Variants in MAGI3 observed in about 807,000 individuals in gnomAD.
MAGI3 encodes the protein membrane-associated guanylate kinase, WW and PDZ domain-containing protein 3.
Under a neutral mutation model 121.8 loss-of-function variants are expected in MAGI3, and 43 were observed. The observed-to-expected ratio is 0.35, with a 90% CI of 0.28 to 0.46. MAGI3 has a LOEUF of 0.46. MAGI3 is among the 20% of genes least tolerant of loss of function. The pLI is 1.00. For synonymous variants in MAGI3, 553 were observed against 639.3 expected, an observed-to-expected ratio of 0.86 and a Z score of 2.04; for missense variants, 1,547 against 1,797.3, an observed-to-expected ratio of 0.86 and a Z score of 2.52.
At chr1:113,529,302 T>C (rs533405485) in intron 1 of MAGI3, among the ~76,000 whole-genome samples, 2 of 152,354 alleles carry the variant, frequency 1.3e-5, no homozygotes, top group South Asian at 4.1e-4. Context: ...CAAACATTTA[T>C]TTCTCACAGT....
intron 4 of MAGI3, among the ~76,000 whole-genome samples, chr1:113,587,380 G>C (rs574433344): frequency 1.9e-3 from 291 of 152,256 alleles, no homozygotes; most frequent in Admixed American, 3.8e-3. Context: ...ATTTTTAGTA[G>C]AGACAGGGTT....
chr1:113,425,631 C>T (rs372320204), intron 1 of MAGI3, among the ~76,000 whole-genome samples: 4 of 152,006 alleles, frequency 2.6e-5, no homozygotes, highest in East Asian at 3.9e-4. Context: ...AGATTTTCTT[C>T]ATCTTGGTTG....
chr1:113,573,723 C>T (rs1203286482), intron 2 of MAGI3, among the ~76,000 whole-genome samples: 1 of 152,160 alleles, frequency 6.6e-6, no homozygotes, highest in Non-Finnish European at 1.5e-5. Context: ...TGGTCCAGAG[C>T]TGAGTTCAAA....
intron 1 of MAGI3, among the ~76,000 whole-genome samples, chr1:113,394,793 C>T (rs915023732): frequency 1.3e-5 from 2 of 152,142 alleles, no homozygotes; most frequent in Admixed American, 6.5e-5. Flanking sequence ...TTCAACTACC[C>T]TAAGCAAGTA....
rs76333411 is a variant in MAGI3 at position 113,536,046 on chromosome 1, G to A, written c.317-13469G>A. Among the ~76,000 whole-genome samples the A allele has an allele frequency of 8.6e-3, 1,296 of 151,486 alleles. 18 individuals are homozygous for A. The highest frequency in any genetic ancestry group is 0.03 in the African/African-American group (1,227 of 41,224). On this transcript the variant is annotated intron_variant, in intron 1 of 20. Transcript: ENST00000307546. ...CTCTCCCTGAATCTTCCTGTCAAAT[G>A]TACCACCAACTATTATGGCTTCTAC...
chr1:113,647,059 T>A (rs1470982131), intron 12 of MAGI3, among the ~76,000 whole-genome samples: 1 of 152,168 alleles, frequency 6.6e-6, no homozygotes, highest in Non-Finnish European at 1.5e-5. Context: ...TTTATCAGTG[T>A]GGGCAGTAGG....
rs78328104 is a variant in MAGI3, at chr1:113,551,354, C to T, written c.433+1723C>T. 5.3e-3 allele frequency among the ~76,000 whole-genome samples: 806 copies of T among 152,234 alleles called. 4 individuals carry two copies. Among genetic ancestry groups the T allele is most frequent in the African/African-American group, 0.019 (775 of 41,532 alleles). ...CGATTCAATCAGTTTTTAAAGTGCACATTTCTCAGCACTATAGGAAAGGGA... is the reference window on the plus strand; with the variant it reads ...CGATTCAATCAGTTTTTAAAGTGCATATTTCTCAGCACTATAGGAAAGGGA... On this transcript the variant is annotated intron_variant, in intron 2 of 20. Transcript: ENST00000307546.
intron 1 of MAGI3, among the ~76,000 whole-genome samples, chr1:113,484,584 A>AT (rs1656259625): frequency 4.0e-5 from 6 of 149,502 alleles, no homozygotes; most frequent in Admixed American, 3.4e-4. Context: ...TTATTTCATT[A>AT]TTTTTTATGG....
intron 2 of MAGI3, among the ~76,000 whole-genome samples, chr1:113,560,567 A>G (rs1480143959): frequency 6.6e-6 from 1 of 152,206 alleles, no homozygotes; most frequent in Non-Finnish European, 1.5e-5. Context: ...CTTTGAAACC[A>G]GTGAGAACAA....
intron 15 of MAGI3, among the ~76,000 whole-genome samples, chr1:113,654,418 T>TG (rs1445182889): frequency 5.3e-5 from 8 of 152,192 alleles, no homozygotes; most frequent in Non-Finnish European, 1.2e-4. Context: ...GCAAAGCAGA[T>TG]TAACAGAAAA....
chr1:113,429,035 G>A (rs1653163197), intron 1 of MAGI3, among the ~76,000 whole-genome samples: 2 of 152,044 alleles, frequency 1.3e-5, no homozygotes, highest in South Asian at 4.1e-4. Flanking sequence ...CTATTCTATT[G>A]TCAGTCTTTA....
chr1:113,485,306 C>G (rs1387876931), intron 1 of MAGI3, among the ~76,000 whole-genome samples: 1 of 152,168 alleles, frequency 6.6e-6, no homozygotes, highest in Non-Finnish European at 1.5e-5. Flanking sequence ...TCACTGTATC[C>G]ATGCCAACAT....
At position 113,651,020 on chromosome 1, in the gene MAGI3, A is replaced by G; in HGVS notation, c.2254A>G (p.Ile752Val). The G allele has an allele frequency of 1.2e-6, 2 of 1,613,840 alleles. No homozygotes were observed. The highest frequency in any genetic ancestry group is 1.1e-5 in the South Asian group (1 of 91,036). The change falls in exon 14 of 21, where the codon ATT (isoleucine) becomes GTT (valine). Residue 752 changes from isoleucine to valine, a missense_variant. By Grantham distance (29) the Ile-to-Val change is conservative. Transcript: ENST00000307546. ...GGDGPDQSIY[I>V]GAIIPLGAAE... The stretch of plus-strand genomic sequence containing the variant: ...TACTTTGTTATCTTATCAGATATAT[A>G]TTGGGGCTATTATTCCCCTGGGAGC...
intron 1 of MAGI3, among the ~76,000 whole-genome samples, chr1:113,426,166 T>C (rs1407316061): frequency 3.3e-5 from 5 of 152,252 alleles, no homozygotes; most frequent in African/African-American, 7.2e-5. Context: ...ATATGGATTA[T>C]TTGCAAGTAT....
intron 3 of MAGI3, 170 bp downstream of exon 3, chr1:113,580,831 G>T: frequency 2.1e-6 from 1 of 475,304 alleles, no homozygotes. Flanking sequence ...TAATTAAAAT[G>T]GGATTAAATA....
At chr1:113,673,810 G>A (rs1208866985) in intron 19 of MAGI3, among the ~76,000 whole-genome samples, 5 of 152,188 alleles carry the variant, frequency 3.3e-5, no homozygotes, top group East Asian at 3.8e-4. Context: ...TTGAGAAAGC[G>A]AGGATCAAAT....
intron 1 of MAGI3, among the ~76,000 whole-genome samples, chr1:113,512,884 C>T (rs1454068803): frequency 6.6e-6 from 1 of 152,170 alleles, no homozygotes; most frequent in Non-Finnish European, 1.5e-5. Context: ...ACCTCATTGT[C>T]TCAGCCCAAA....
At chr1:113,663,184 C>T (rs924250639) in intron 16 of MAGI3, among the ~76,000 whole-genome samples, 3 of 151,462 alleles carry the variant, frequency 2.0e-5, no homozygotes. Context: ...GAGATTGCGC[C>T]ATTGCACTCC....
chr1:113,670,744 A>G (rs1274404717), intron 16 of MAGI3, among the ~76,000 whole-genome samples: 1 of 152,192 alleles, frequency 6.6e-6, no homozygotes, highest in Admixed American at 6.5e-5. Context: ...AGCTCCTTTG[A>G]TACTATAACC....
Sources: gnomAD v4.1 joint callset for allele counts (sites outside exome capture counted in the v4.1 genomes callset) on GRCh38, gnomAD v4.1.1 for gene constraint, MANE v1.5 for transcripts, NCBI Gene and HGNC (gene_info 2026-07-23, HGNC 2026-07-21) for gene names.